The following PCDH9 variants were observed in gnomAD, a reference collection of about 807,000 sequenced individuals.
PCDH9 encodes protocadherin 9, also known as protocadherin-9.
PCDH9 carries 24 observed loss-of-function variants against 70.6 expected under a neutral mutation model. That is an observed-to-expected ratio of 0.34 (90% CI 0.25 to 0.48). The LOEUF (loss-of-function observed/expected upper bound fraction) is 0.48. Among genes scored for constraint, PCDH9 ranks in the 20% least tolerant of loss-of-function variants. PCDH9 has a pLI of 0.99. For missense variants in PCDH9, 1,281 were observed against 1,503.6 expected (o/e 0.85, Z 2.45); for synonymous variants, 562 against 558.5 (o/e 1.01, Z -0.09).
intron 2 of PCDH9, among the ~76,000 whole-genome samples, chr13:67,012,871 C>G (rs1187691457): frequency 6.6e-6 from 1 of 151,940 alleles, no homozygotes; most frequent in Non-Finnish European, 1.5e-5. Context: ...TTGTAGCGGA[C>G]CTAAGTGTAA....
At chr13:66,635,366 A>G (rs2138947424) in intron 3 of PCDH9, among the ~76,000 whole-genome samples, 1 of 152,280 alleles carries the variant, frequency 6.6e-6, no homozygotes, top group African/African-American at 2.4e-5. Context: ...GAAAGAAGTA[A>G]CTACTAAGGC....
chr13:67,054,107 A>G (rs1220750370), intron 2 of PCDH9, among the ~76,000 whole-genome samples: 1 of 152,182 alleles, frequency 6.6e-6, no homozygotes, highest in Non-Finnish European at 1.5e-5. Context: ...ATAACTGGCA[A>G]AGAAAGGAAG....
chr13:67,118,149 G>A (rs2086812945), intron 2 of PCDH9, among the ~76,000 whole-genome samples: 1 of 152,120 alleles, frequency 6.6e-6, no homozygotes, highest in Admixed American at 6.5e-5. Flanking sequence ...AAAGTTGCAT[G>A]CTGTAGAAAA....
intron 3 of PCDH9, among the ~76,000 whole-genome samples, chr13:66,693,201 CA>C (rs1210400130): frequency 6.6e-6 from 1 of 152,058 alleles, no homozygotes; most frequent in Non-Finnish European, 1.5e-5. Context: ...GGAATGGCAA[CA>C]TTTTTCTGCT....
At chr13:66,519,547 G>C (rs1419236406) in intron 4 of PCDH9, among the ~76,000 whole-genome samples, 1 of 152,030 alleles carries the variant, frequency 6.6e-6, no homozygotes, top group African/African-American at 2.4e-5. Context: ...AAATGAGTTA[G>C]TCTAGAGAAT....
intron 3 of PCDH9, among the ~76,000 whole-genome samples, chr13:66,804,866 GA>G (rs907166227): frequency 7.2e-5 from 11 of 152,064 alleles, no homozygotes; most frequent in Admixed American, 7.2e-4. Flanking sequence ...AAACACGTTT[GA>G]GAGTGAAAGG....
chr13:66,617,995 G>C (rs1048620848), intron 4 of PCDH9, among the ~76,000 whole-genome samples: 1 of 152,166 alleles, frequency 6.6e-6, no homozygotes, highest in South Asian at 2.1e-4. Context: ...GCCAGCCTGC[G>C]CACTGAGTTG....
chr13:66,422,935 GAGA>G (rs561236596), intron 4 of PCDH9, among the ~76,000 whole-genome samples: 1 of 152,016 alleles, frequency 6.6e-6, no homozygotes, highest in Non-Finnish European at 1.5e-5. Context: ...GAAGAAAAGA[GAGA>G]AGATCAAGAA....
intron 4 of PCDH9, among the ~76,000 whole-genome samples, chr13:66,359,632 A>G (rs1184898004): frequency 1.3e-5 from 2 of 152,076 alleles, no homozygotes; most frequent in Non-Finnish European, 2.9e-5. Flanking sequence ...TTCTAGGAGA[A>G]ACATTGAGAC....
intron 4 of PCDH9, among the ~76,000 whole-genome samples, chr13:66,379,787 C>A (rs1345754625): frequency 6.6e-6 from 1 of 151,962 alleles, no homozygotes; most frequent in Non-Finnish European, 1.5e-5. Flanking sequence ...TATATTTTTG[C>A]CTGTATATAT....
At position 66,468,395 on chromosome 13, in the gene PCDH9, A is replaced by T. The variant is rs1379361154; in HGVS notation, c.3340+162815T>A. ...AATGACCTGTCAAGTCTCAACACTGAACCCAGAGTGAAACTTTTAAAAGAA... is the reference window on the plus strand; with the variant it reads ...AATGACCTGTCAAGTCTCAACACTGTACCCAGAGTGAAACTTTTAAAAGAA... On this transcript the variant is annotated intron_variant, in intron 4 of 4. Transcript: ENST00000377865. Among the ~76,000 whole-genome samples, 3 of 152,250 alleles carry T rather than the reference A, an allele frequency of 2.0e-5. No homozygotes were observed. In the East Asian group the frequency reaches 5.8e-4, roughly 29 times the overall value.
At chr13:66,825,225 T>C (rs2080798496) in intron 3 of PCDH9, 1 of 151,124 alleles carries the variant, frequency 6.6e-6, no homozygotes, top group Admixed American at 6.6e-5. Context: ...TTCTTCTTCT[T>C]CTCTCGAACA....
intron 3 of PCDH9, among the ~76,000 whole-genome samples, chr13:66,699,841 C>G (rs2078613742): frequency 6.6e-6 from 1 of 152,070 alleles, no homozygotes. Context: ...TAAGCTGACT[C>G]TTCTCTAAAA....
chr13:67,000,313 C>T (rs1279721578), intron 2 of PCDH9, among the ~76,000 whole-genome samples: 1 of 130,766 alleles, frequency 7.6e-6, no homozygotes, highest in Non-Finnish European at 1.5e-5. Context: ...AGGGGAACAT[C>T]ACACTCTGGG....
At chr13:67,195,684 A>C (rs915941885) in intron 2 of PCDH9, among the ~76,000 whole-genome samples, 4 of 152,148 alleles carry the variant, frequency 2.6e-5, no homozygotes, top group Non-Finnish European at 5.9e-5. Context: ...AATTATAATG[A>C]TATTTAAAGG....
chr13:66,933,418 A>G (rs2082849121), intron 2 of PCDH9, among the ~76,000 whole-genome samples: 1 of 152,200 alleles, frequency 6.6e-6, no homozygotes, highest in South Asian at 2.1e-4. Context: ...TGTCAACAGT[A>G]TATATTATCA....
At chr13:67,190,805 C>T (rs796833211) in intron 2 of PCDH9, among the ~76,000 whole-genome samples, 31 of 152,062 alleles carry the variant, frequency 2.0e-4, no homozygotes, top group African/African-American at 7.0e-4. Flanking sequence ...AGAAAGAATA[C>T]GCATTGCCTG....
At chr13:66,448,611 T>G (rs1295393067) in intron 4 of PCDH9, among the ~76,000 whole-genome samples, 1 of 152,276 alleles carries the variant, frequency 6.6e-6, no homozygotes, top group East Asian at 1.9e-4. Flanking sequence ...GCAGTTTTGA[T>G]AATACCACAT....
intron 4 of PCDH9, among the ~76,000 whole-genome samples, chr13:66,422,220 A>C (rs1016900686): frequency 6.6e-6 from 1 of 152,190 alleles, no homozygotes; most frequent in African/African-American, 2.4e-5. Context: ...GGAGACTTTA[A>C]CACCCCACTG....
Sources: allele counts gnomAD v4.1 joint callset (sites outside exome capture counted in the v4.1 genomes callset), GRCh38; gene constraint gnomAD v4.1.1; transcripts MANE v1.5; gene names NCBI Gene and HGNC (gene_info 2026-07-23, HGNC 2026-07-21).